Variants in MAPRE2 observed in about 807,000 individuals in gnomAD.
MAPRE2 encodes the protein microtubule associated protein RP/EB family member 2.
A neutral mutation model predicts 43.2 loss-of-function variants in MAPRE2; 13 were observed. The observed-to-expected ratio is 0.30, with a 90% CI of 0.20 to 0.48. The LOEUF is 0.48. Among genes scored for constraint, MAPRE2 ranks in the 20% least tolerant of loss-of-function variants. The probability of loss-of-function intolerance (pLI) is 0.99; values close to 1 mark genes in which losing one functional copy is unlikely to be tolerated. For missense variants in MAPRE2, 161 were observed against 400.2 expected (o/e 0.40, Z 5.10); for synonymous variants, 135 against 148.8 (o/e 0.91, Z 0.68).
Position 35,025,425 on chromosome 18 carries a change from C to T in MAPRE2, c.-8+19872C>T, listed in dbSNP as rs936419258. 2.6e-5 allele frequency among the ~76,000 whole-genome samples: 4 copies of T among 152,282 alleles called. No homozygotes were observed. The East Asian group carries it at 7.7e-4, about 29-fold the overall frequency. On this transcript the variant is annotated intron_variant, in intron 2 of 7. Transcript: ENST00000413393. ...CAATGCTATAACTTTTCATTTCTTC[C>T]AGCCAATAATCCCCTATGAATTTTT...
intron 2 of MAPRE2, among the ~76,000 whole-genome samples, chr18:35,006,899 G>A (rs2150581231): frequency 6.6e-6 from 1 of 152,340 alleles, no homozygotes; most frequent in East Asian, 1.9e-4. Flanking sequence ...GGAGGCAGAG[G>A]TTGCAGTGAG....
chr18:35,004,204 T>C (rs1451744759), intron 1 of MAPRE2, among the ~76,000 whole-genome samples: 2 of 151,988 alleles, frequency 1.3e-5, no homozygotes, highest in Non-Finnish European at 2.9e-5. Flanking sequence ...CCCTTTTAAT[T>C]AAAAAAAATA....
At chr18:35,004,801 C>G (rs1023756715) in intron 1 of MAPRE2, among the ~76,000 whole-genome samples, 1 of 151,814 alleles carries the variant, frequency 6.6e-6, no homozygotes, top group Admixed American at 6.6e-5. Flanking sequence ...GCCTGTAGTC[C>G]CAGCTACTCG....
chr18:34,986,514 C>T (rs1007268970), intron 1 of MAPRE2, among the ~76,000 whole-genome samples: 1 of 152,144 alleles, frequency 6.6e-6, no homozygotes, highest in African/African-American at 2.4e-5. Flanking sequence ...TAAGGCTCTT[C>T]GGTAGTTTCA....
intron 1 of MAPRE2, among the ~76,000 whole-genome samples, chr18:34,993,814 C>T (rs888483511): frequency 2.6e-5 from 4 of 152,118 alleles, no homozygotes; most frequent in African/African-American, 9.7e-5. Context: ...CTGGCATAAT[C>T]AGAGGGTTGA....
At chr18:35,012,296 A>G (rs1383528771) in intron 2 of MAPRE2, among the ~76,000 whole-genome samples, 1 of 152,184 alleles carries the variant, frequency 6.6e-6, no homozygotes, top group African/African-American at 2.4e-5. Context: ...GAAATGAATT[A>G]CAGCTTTGAG....
At chr18:35,024,827 G>C (rs2097044151) in intron 2 of MAPRE2, among the ~76,000 whole-genome samples, 1 of 152,170 alleles carries the variant, frequency 6.6e-6, no homozygotes, top group African/African-American at 2.4e-5. Context: ...TGAGGGGACT[G>C]ATTCTTTAAT....
chr18:35,039,478 T>C (rs1384563984), upstream of MAPRE2, among the ~76,000 whole-genome samples: 1 of 152,224 alleles, frequency 6.6e-6, no homozygotes, highest in East Asian at 1.9e-4. Context: ...AAAAATCTTA[T>C]GTAAAGTGAG....
chr18:35,140,502 A>C lies in MAPRE2; in HGVS notation c.*133A>C, dbSNP rs541171743. 2.3e-6 allele frequency: 2 copies of C among 870,832 alleles called. No individual in the cohort carries two copies. Among genetic ancestry groups the C allele is most frequent in the East Asian group, 5.4e-5 (2 of 37,096 alleles). 53.9% of individuals were successfully genotyped at this position (870,832 alleles called of 1,614,324 possible). On this transcript the variant is annotated 3_prime_UTR_variant, in exon 7 of 7. Transcript: ENST00000300249. ...GCCGTTACCATCAACGCACTGTTGC[A>C]TATGCCAGCCACTGCGCTTGGTTCC...
chr18:35,020,489 T>C (rs371564363), intron 2 of MAPRE2, among the ~76,000 whole-genome samples: 24 of 151,988 alleles, frequency 1.6e-4, no homozygotes, highest in African/African-American at 5.3e-4. Flanking sequence ...TAAGCTGGCC[T>C]GAACCATTTG....
At chr18:35,090,133 A>T (rs1908073961) in intron 2 of MAPRE2, among the ~76,000 whole-genome samples, 1 of 152,148 alleles carries the variant, frequency 6.6e-6, no homozygotes. Context: ...GCCTGGAGGG[A>T]GGAGAGATCA....
chr18:35,114,860 A>C (rs1464123738), intron 4 of MAPRE2, among the ~76,000 whole-genome samples: 1 of 152,224 alleles, frequency 6.6e-6, no homozygotes, highest in Non-Finnish European at 1.5e-5. Flanking sequence ...CTGATGGATC[A>C]TTCCTTTTCT....
At chr18:35,023,146 T>G (rs1029843138) in intron 2 of MAPRE2, among the ~76,000 whole-genome samples, 2 of 152,188 alleles carry the variant, frequency 1.3e-5, no homozygotes, top group Non-Finnish European at 2.9e-5. Flanking sequence ...AGGATAATAG[T>G]TAAGAAAGAT....
At chr18:35,059,191 T>G (rs576069934) in intron 1 of MAPRE2, among the ~76,000 whole-genome samples, 1 of 152,200 alleles carries the variant, frequency 6.6e-6, no homozygotes, top group Non-Finnish European at 1.5e-5. Flanking sequence ...TGTGCCCACA[T>G]TTATCCAACT....
At chr18:34,986,691 G>T (rs992980941) in intron 1 of MAPRE2, among the ~76,000 whole-genome samples, 1 of 152,250 alleles carries the variant, frequency 6.6e-6, no homozygotes, top group African/African-American at 2.4e-5. Flanking sequence ...TAGGCAACTC[G>T]GTCAGTGGGT....
At chr18:35,056,781 G>A (rs180939113) in intron 1 of MAPRE2, among the ~76,000 whole-genome samples, 6 of 152,086 alleles carry the variant, frequency 3.9e-5, no homozygotes, top group African/African-American at 4.8e-5. Flanking sequence ...TTACTGTTCT[G>A]TCTTTATCCC....
At chr18:34,987,549 T>C (rs1001792559) in intron 1 of MAPRE2, among the ~76,000 whole-genome samples, 36 of 152,340 alleles carry the variant, frequency 2.4e-4, no homozygotes, top group African/African-American at 8.4e-4. Flanking sequence ...CCCTAGAAGA[T>C]AGATAAAATA....
intron 2 of MAPRE2, among the ~76,000 whole-genome samples, chr18:35,071,642 C>T (rs1371169930): frequency 6.6e-6 from 1 of 152,136 alleles, no homozygotes; most frequent in Non-Finnish European, 1.5e-5. Flanking sequence ...CCCAGAGGGT[C>T]AAGTATAAAG....
chr18:35,112,245 G>A (rs1404678106), intron 4 of MAPRE2, among the ~76,000 whole-genome samples: 1 of 149,918 alleles, frequency 6.7e-6, no homozygotes, highest in Non-Finnish European at 1.5e-5. Context: ...GTGCAATGGT[G>A]CAACCTCCGC....
Sources: gnomAD v4.1 joint callset for allele counts (sites outside exome capture counted in the v4.1 genomes callset) on GRCh38, gnomAD v4.1.1 for gene constraint, MANE v1.5 for transcripts, NCBI Gene and HGNC (gene_info 2026-07-23, HGNC 2026-07-21) for gene names.